HGF: variants seen among roughly 807,000 people sequenced by gnomAD.
HGF encodes the protein hepatocyte growth factor, also known as fibroblast-derived tumor cytotoxic factor.
In HGF, 39 loss-of-function variants were observed where a neutral mutation model predicts 111.6. The observed-to-expected ratio is 0.35, with a 90% CI of 0.27 to 0.46. The LOEUF is 0.46. HGF is among the 20% of genes least tolerant of loss of function. The pLI is 1.00. For missense variants in HGF, 735 were observed against 910.5 expected (o/e 0.81, Z 2.48); for synonymous variants, 285 against 294.8 (o/e 0.97, Z 0.34).
At position 81,717,382 on chromosome 7, in the gene HGF, C is replaced by T. The variant is rs201944034; in HGVS notation, c.1272-17G>A. On this transcript the variant is annotated splice_polypyrimidine_tract_variant and intron_variant, in intron 10 of 17. Transcript: ENST00000222390. Reference sequence around the variant, plus strand: ...AAGATATGACTGTGGAAACAACAGGCCTTGCACATCACAAGATGCTCATTC... The same window carrying T: ...AAGATATGACTGTGGAAACAACAGGTCTTGCACATCACAAGATGCTCATTC... 6.8e-6 allele frequency: 11 copies of T among 1,610,286 alleles called. No homozygotes were observed. The highest frequency in any genetic ancestry group is 3.3e-5 in the Admixed American group (2 of 59,954).
chr7:81,706,096 G>A (rs1025703858), intron 15 of HGF, among the ~76,000 whole-genome samples, 191 bp downstream of exon 15: 1 of 151,792 alleles, frequency 6.6e-6, no homozygotes, highest in Non-Finnish European at 1.5e-5. Context: ...TTTTTTTACA[G>A]TTTTGCAAAT....
At position 81,699,764 on chromosome 7, in the gene HGF, A is replaced by T. The variant is rs1026253482; in HGVS notation, c.*2817T>A. The T allele has an allele frequency of 6.6e-6, 1 of 151,586 alleles. No homozygotes were observed. Among genetic ancestry groups the T allele is most frequent in the African/African-American group, 2.4e-5 (1 of 41,380 alleles). The allele number at this position is 151,586 out of a possible 1,614,324, so 9.4% of individuals were successfully genotyped here. ...TATTCACAGGAATAAGTGAAATACA[A>T]TTTTGCTATCACATGCCATTATTGT... On this transcript the variant is annotated 3_prime_UTR_variant, in exon 18 of 18. Coordinates refer to ENST00000222390, the MANE Select transcript of HGF (RefSeq NM_000601.6).
intron 1 of HGF, among the ~76,000 whole-genome samples, chr7:81,766,165 C>T (rs922550018): frequency 1.3e-5 from 2 of 152,158 alleles, no homozygotes; most frequent in African/African-American, 4.8e-5. Flanking sequence ...ATTTCTCCCT[C>T]TGGTCCCGGC....
chr7:81,718,222 C>T (rs1789763719), intron 10 of HGF, among the ~76,000 whole-genome samples: 2 of 152,100 alleles, frequency 1.3e-5, no homozygotes, highest in East Asian at 1.9e-4. Flanking sequence ...GACTATATTT[C>T]CAGACCAAGT....
intron 13 of HGF, among the ~76,000 whole-genome samples, chr7:81,708,065 A>T (rs1789474083): frequency 6.6e-6 from 1 of 152,072 alleles, no homozygotes; most frequent in South Asian, 2.1e-4. Flanking sequence ...TTTTTGGCAG[A>T]GACATGGAAA....
intron 8 of HGF, among the ~76,000 whole-genome samples, chr7:81,728,013 T>C (rs1172682543): frequency 6.6e-6 from 1 of 152,194 alleles, no homozygotes; most frequent in Non-Finnish European, 1.5e-5. Context: ...TCAGTTACAG[T>C]GTTCCAAAGA....
intron 1 of HGF, among the ~76,000 whole-genome samples, chr7:81,766,349 A>C (rs1469733678): frequency 6.6e-6 from 1 of 152,212 alleles, no homozygotes; most frequent in Non-Finnish European, 1.5e-5. Context: ...GAAGAGATTC[A>C]AGTGGCAAGA....
rs2115765484 is a variant in HGF, at chr7:81,705,674, T to A, written c.1837A>T (p.Ser613Cys). Residue 613 changes from serine to cysteine, a missense_variant, in exon 16 of 18, where the codon AGT (serine) becomes TGT (cysteine). This residue lies in a region of HGF where 130 missense variants were observed against 129.9 expected (regional missense o/e 1.00). Transcript: ENST00000222390. ...CCAGTGTAGCCCCAGCCATAAACAC[T>A]GCAACTGGTCTTTTCAGGAATTGTG... ...GCTIPEKTSC[S>C]VYGWGYTGLI... 2 of 1,611,978 alleles carry A rather than the reference T, an allele frequency of 1.2e-6. No individual in the cohort carries two copies. Among genetic ancestry groups the A allele is most frequent in the Non-Finnish European group, 1.7e-6 (2 of 1,178,386 alleles).
At chr7:81,751,005 T>C (rs1447735351) in intron 5 of HGF, 8 of 979,994 alleles carry the variant, frequency 8.2e-6, no homozygotes, top group Non-Finnish European at 9.7e-6. Context: ...CAAACAGAGA[T>C]GGAACTGGCT....
rs915404911 is a variant in HGF, at chr7:81,706,191, T to TCTA, written c.1757+95_1757+96insTAG. The stretch of plus-strand genomic sequence containing the variant: ...GCATGTAACATATGTTTATAATGCA[T>TCTA]CTGTATGAGAGAGAACGAACTGCCA... On this transcript the variant is annotated intron_variant, in intron 15 of 17. Transcript: ENST00000222390. 4.6e-5 allele frequency: 48 copies of TCTA among 1,038,202 alleles called. No individual in the cohort carries two copies. The African/African-American group carries it at 7.1e-4, about 15-fold the overall frequency. The allele number at this position is 1,038,202 out of a possible 1,614,324, so 64.3% of individuals were successfully genotyped here.
At chr7:81,734,091 C>G (rs1366047079) in intron 7 of HGF, among the ~76,000 whole-genome samples, 10 of 152,188 alleles carry the variant, frequency 6.6e-5, no homozygotes, top group Admixed American at 3.9e-4. Flanking sequence ...CAGAAACATT[C>G]CCAAATATCA....
rs950289577 is a variant in HGF, at chr7:81,769,639, G to A, written c.88+245C>T. On this transcript the variant is annotated intron_variant, in intron 1 of 17. Transcript: ENST00000222390. Reference sequence around the variant, plus strand: ...CCACAACTATTAGGCTAAGTGGGACGGGGCTTGGGTTGGAGGTGGAGGGGA... The same window carrying A: ...CCACAACTATTAGGCTAAGTGGGACAGGGCTTGGGTTGGAGGTGGAGGGGA... Among the ~76,000 whole-genome samples the A allele has an allele frequency of 2.0e-5, 3 of 152,218 alleles. No individual in the cohort carries two copies. The East Asian group carries it at 5.8e-4, about 29-fold the overall frequency.
intron 5 of HGF, among the ~76,000 whole-genome samples, chr7:81,746,783 A>G (rs1432810092): frequency 6.6e-6 from 1 of 152,118 alleles, no homozygotes; most frequent in Admixed American, 6.6e-5. Context: ...TGACTTACAC[A>G]TTTTAATGGT....
intron 4 of HGF, 133 bp downstream of exon 4, chr7:81,757,056 C>T (rs573900535): frequency 8.4e-5 from 58 of 689,866 alleles, no homozygotes; most frequent in African/African-American, 7.3e-4. Context: ...TTCATATAAA[C>T]CTTGCCGTAA....
chr7:81,760,725 A>C (rs1244246162), intron 2 of HGF, among the ~76,000 whole-genome samples: 1 of 123,558 alleles, frequency 8.1e-6, no homozygotes, highest in Non-Finnish European at 1.7e-5. Flanking sequence ...GTGTGTGTGA[A>C]TGAGGAGGAT....
At chr7:81,733,734 T>A (rs534285876) in intron 7 of HGF, among the ~76,000 whole-genome samples, 12 of 152,184 alleles carry the variant, frequency 7.9e-5, no homozygotes, top group Non-Finnish European at 1.2e-4. Context: ...TTATTATGAG[T>A]CTCCATGAAG....
intron 11 of HGF, among the ~76,000 whole-genome samples, chr7:81,712,536 C>T (rs558655830): frequency 6.6e-6 from 1 of 152,296 alleles, no homozygotes; most frequent in East Asian, 1.9e-4. Context: ...CTGTAGCTTA[C>T]TACTTTTTCA....
At chr7:81,750,311 C>A (rs1788437592) in intron 5 of HGF, among the ~76,000 whole-genome samples, 1 of 152,146 alleles carries the variant, frequency 6.6e-6, no homozygotes, top group African/African-American at 2.4e-5. Flanking sequence ...ACCTACAGGG[C>A]AGATGTTGGT....
chr7:81,714,688 AT>A lies in HGF; in HGVS notation c.1405+2543del, dbSNP rs531610369. 2.4e-4 allele frequency among the ~76,000 whole-genome samples: 37 copies of A among 152,076 alleles called. No individual in the cohort carries two copies. In the South Asian group the frequency reaches 7.5e-3, roughly 31 times the overall value. On this transcript the variant is annotated intron_variant, in intron 11 of 17. Coordinates refer to ENST00000222390, the MANE Select transcript of HGF (RefSeq NM_000601.6). ...TAAACTTAAAAATATGTAAAATATT[AT>A]TTTGTAAGCATGTTAAAAAAAAGAA...
Sources: allele counts gnomAD v4.1 joint callset (sites outside exome capture counted in the v4.1 genomes callset), GRCh38; gene constraint gnomAD v4.1.1; regional missense constraint gnomAD v4.1.1; transcripts MANE v1.5; gene names NCBI Gene and HGNC (gene_info 2026-07-23, HGNC 2026-07-21).